The following GPHN variants were observed in gnomAD, a reference collection of about 807,000 sequenced individuals.
The protein encoded by GPHN is gephyrin.
A neutral mutation model predicts 95.5 loss-of-function variants in GPHN; 17 were observed. The ratio of observed to expected loss-of-function variants is 0.18; its 90% CI spans 0.12 to 0.27. The LOEUF (loss-of-function observed/expected upper bound fraction) is 0.27, where lower values mean the gene tolerates loss of function less well. GPHN is among the 10% of genes least tolerant of loss of function. GPHN has a pLI of 1.00. For missense variants in GPHN, 660 were observed against 978.1 expected (o/e 0.67, Z 4.34); for synonymous variants, 320 against 322.5 (o/e 0.99, Z 0.08).
the GPHN span, chr14:67,674,473 G>T: frequency 6.2e-7 from 1 of 1,606,796 alleles, no homozygotes; most frequent in Non-Finnish European, 8.5e-7. Context: ...CTCCGAGGAG[G>T]CGGCGGAGGA....
At chr14:67,045,591 C>G (rs2074970642) in intron 10 of GPHN, among the ~76,000 whole-genome samples, 1 of 150,962 alleles carries the variant, frequency 6.6e-6, no homozygotes. Context: ...CAGTGTCTGT[C>G]TGTCTCTCTG....
At chr14:66,602,136 A>G (rs2062278533) in intron 1 of GPHN, among the ~76,000 whole-genome samples, 1 of 151,914 alleles carries the variant, frequency 6.6e-6, no homozygotes, top group African/African-American at 2.4e-5. Context: ...GTTACTGCCT[A>G]CCTAAATGAA....
At chr14:66,538,391 T>A (rs1335475950) in intron 1 of GPHN, among the ~76,000 whole-genome samples, 1 of 151,876 alleles carries the variant, frequency 6.6e-6, no homozygotes, top group African/African-American at 2.4e-5. Context: ...TCTACCCCAA[T>A]CTCTCTCTCC....
the GPHN span, among the ~76,000 whole-genome samples, chr14:67,655,504 C>T: frequency 1.3e-5 from 2 of 151,812 alleles, no homozygotes; most frequent in Admixed American, 6.6e-5. Flanking sequence ...CTGGATAATC[C>T]TTAGACATTT....
At chr14:66,911,948 C>T (rs964129292) in intron 5 of GPHN, among the ~76,000 whole-genome samples, 5 of 151,920 alleles carry the variant, frequency 3.3e-5, no homozygotes, top group African/African-American at 1.2e-4. Context: ...TTACATTTTT[C>T]GACATTCTCT....
chr14:67,232,081 C>G, the GPHN span, among the ~76,000 whole-genome samples: 1 of 152,164 alleles, frequency 6.6e-6, no homozygotes, highest in Non-Finnish European at 1.5e-5. Context: ...CTCCTCCCTT[C>G]AAGGGATGGA....
intron 1 of GPHN, among the ~76,000 whole-genome samples, chr14:66,661,338 G>T (rs2065636000): frequency 6.6e-6 from 1 of 152,166 alleles, no homozygotes; most frequent in East Asian, 1.9e-4. Context: ...TGTGGGCTTA[G>T]GCGAGTCCAA....
chr14:67,458,156 C>A, the GPHN span, among the ~76,000 whole-genome samples: 2 of 152,184 alleles, frequency 1.3e-5, no homozygotes, highest in Non-Finnish European at 2.9e-5. Flanking sequence ...GAACTTTCAG[C>A]TTCGGATCTT....
At chr14:67,715,465 T>A in the GPHN span, among the ~76,000 whole-genome samples, 97 of 152,388 alleles carry the variant, frequency 6.4e-4, no homozygotes, top group Admixed American at 1.2e-3. Context: ...CTGTAAGCCC[T>A]TGAGTTGGCA....
intron 2 of GPHN, among the ~76,000 whole-genome samples, chr14:66,699,404 GTGA>G (rs1482712722): frequency 2.0e-5 from 3 of 151,784 alleles, no homozygotes; most frequent in African/African-American, 2.4e-5. Flanking sequence ...TAAAAGGTAA[GTGA>G]TGATAATATT....
the GPHN span, chr14:67,557,528 C>G: frequency 1.1e-6 from 1 of 884,284 alleles, no homozygotes; most frequent in Non-Finnish European, 1.7e-6. Context: ...GGAACTCGCT[C>G]CCTCCTGAGC....
intron 12 of GPHN, among the ~76,000 whole-genome samples, chr14:67,099,022 G>A (rs994115223): frequency 1.3e-5 from 2 of 151,952 alleles, no homozygotes; most frequent in Admixed American, 6.5e-5. Context: ...TCTGAAAGAT[G>A]GCAAAAATAA....
the GPHN span, chr14:67,472,266 C>T: frequency 6.6e-6 from 1 of 152,384 alleles, no homozygotes; most frequent in Non-Finnish European, 1.5e-5. Flanking sequence ...TTCTTCCTCT[C>T]ATTCTCCATC....
chr14:66,848,013 A>G (rs1194874965), intron 4 of GPHN, among the ~76,000 whole-genome samples: 1 of 152,052 alleles, frequency 6.6e-6, no homozygotes, highest in African/African-American at 2.4e-5. Flanking sequence ...ACATGTAACA[A>G]TCTTTAATTT....
the GPHN span, chr14:67,381,780 AC>A: frequency 4.5e-6 from 4 of 885,438 alleles, no homozygotes; most frequent in South Asian, 7.0e-5. Context: ...TTTTTTAATC[AC>A]ATTTCATAAC....
At chr14:66,817,139 CTAT>C (rs1328758018) in intron 3 of GPHN, among the ~76,000 whole-genome samples, 2 of 151,906 alleles carry the variant, frequency 1.3e-5, no homozygotes, top group African/African-American at 4.8e-5. Flanking sequence ...ATATACTGAT[CTAT>C]TATTAATTTG....
the GPHN span, among the ~76,000 whole-genome samples, chr14:67,636,710 G>T: frequency 6.6e-6 from 1 of 152,354 alleles, no homozygotes; most frequent in Non-Finnish European, 1.5e-5. Flanking sequence ...TGAAAGATCA[G>T]AGTAGTACTC....
the GPHN span, among the ~76,000 whole-genome samples, chr14:67,445,574 A>ATTTTTTTTTTTTTTTTTTTT: frequency 1.0e-5 from 1 of 98,728 alleles, no homozygotes; most frequent in African/African-American, 4.6e-5. Context: ...AAGAGAGGCA[A>ATTTTTTTTTTTTTTTTTTTT]TTCTTTTTTT....
the GPHN span, among the ~76,000 whole-genome samples, chr14:67,377,465 T>G: frequency 2.4e-4 from 36 of 152,338 alleles, no homozygotes; most frequent in Non-Finnish European, 1.5e-5. Context: ...TTGGCTGGTA[T>G]GCTCACTACC....
Sources: gnomAD v4.1 joint callset for allele counts (sites outside exome capture counted in the v4.1 genomes callset) on GRCh38, gnomAD v4.1.1 for gene constraint, MANE v1.5 for transcripts, NCBI Gene and HGNC (gene_info 2026-07-23, HGNC 2026-07-21) for gene names.